Variants in CCSER1 observed in about 807,000 individuals in gnomAD.
The protein encoded by CCSER1 is coiled-coil serine rich protein 1.
Under a neutral mutation model 82.0 loss-of-function variants are expected in CCSER1, and 41 were observed. The ratio of observed to expected loss-of-function variants is 0.50; its 90% CI spans 0.39 to 0.65. The LOEUF is 0.65. Ranked by LOEUF, CCSER1 falls within the 30% of genes least tolerant of loss-of-function variation. The pLI is 0.00. For missense variants in CCSER1, 1,119 were observed against 1,064.2 expected, an observed-to-expected ratio of 1.05 and a Z score of -0.72; for synonymous variants, 414 against 383.9, an observed-to-expected ratio of 1.08 and a Z score of -0.92.
At chr4:90,300,044 C>T (rs1732800043) in intron 1 of CCSER1, among the ~76,000 whole-genome samples, 1 of 152,034 alleles carries the variant, frequency 6.6e-6, no homozygotes, top group South Asian at 2.1e-4. Context: ...GTCATTAAGG[C>T]TCTACCAGGT....
intron 10 of CCSER1, among the ~76,000 whole-genome samples, chr4:91,444,523 C>G (rs1755427460): frequency 6.6e-6 from 1 of 151,920 alleles, no homozygotes; most frequent in African/African-American, 2.4e-5. Context: ...CATCTCGGCT[C>G]ACTGCAACTT....
At chr4:90,983,961 TTCTC>T (rs77135712) in intron 9 of CCSER1, among the ~76,000 whole-genome samples, 2,812 of 151,898 alleles carry the variant, frequency 0.019, 52 homozygotes, top group Non-Finnish European at 0.03. Flanking sequence ...AAAGTACTGT[TTCTC>T]TCTTTTTGTA....
intron 6 of CCSER1, among the ~76,000 whole-genome samples, chr4:90,643,068 T>TA (rs999478340): frequency 1.3e-5 from 2 of 151,950 alleles, no homozygotes; most frequent in African/African-American, 2.4e-5. Context: ...GTGGAGTGTT[T>TA]AAAAAAAATA....
intron 8 of CCSER1, among the ~76,000 whole-genome samples, chr4:90,880,397 G>C (rs9985786): frequency 0.17 from 26,279 of 152,154 alleles, 2,316 homozygotes; most frequent in Middle Eastern, 0.2. Context: ...GTCCAAGCCA[G>C]AGGTTCCCTG....
chr4:90,586,476 A>C lies in CCSER1; in HGVS notation c.1725-41549A>C, dbSNP rs542194704. 2.9e-4 allele frequency among the ~76,000 whole-genome samples: 44 copies of C among 152,326 alleles called. 1 individual carries two copies. The South Asian group carries it at 8.9e-3, about 31-fold the overall frequency. ...AGTCAGTGATTTTATTCAACTAATT[A>C]ATTAATGCGAGAATCAGAAGATGCC... On this transcript the variant is annotated intron_variant, in intron 5 of 10. Transcript: ENST00000509176.
intron 4 of CCSER1, among the ~76,000 whole-genome samples, chr4:90,449,142 C>T (rs74638826): frequency 0.052 from 7,903 of 152,250 alleles, 603 homozygotes; most frequent in African/African-American, 0.17. Flanking sequence ...TGGAAGGAGA[C>T]CCAATGTGGA....
intron 10 of CCSER1, among the ~76,000 whole-genome samples, chr4:91,171,335 T>G (rs527762853): frequency 5.4e-4 from 82 of 152,226 alleles, no homozygotes; most frequent in Non-Finnish European, 9.7e-4. Flanking sequence ...TTGTTTGTTA[T>G]AAATAATTAC....
intron 1 of CCSER1, among the ~76,000 whole-genome samples, chr4:90,251,950 C>T (rs955706378): frequency 6.6e-6 from 1 of 151,506 alleles, no homozygotes; most frequent in Admixed American, 6.6e-5. Flanking sequence ...TTATTTCAGC[C>T]GTTTGTGCTG....
At chr4:91,489,473 G>A (rs969471528) in intron 10 of CCSER1, among the ~76,000 whole-genome samples, 6 of 152,092 alleles carry the variant, frequency 3.9e-5, no homozygotes, top group East Asian at 1.9e-4. Context: ...TTTGACATCA[G>A]TATCTACCCA....
chr4:91,094,650 T>C (rs1390282177), intron 10 of CCSER1, among the ~76,000 whole-genome samples: 4 of 152,142 alleles, frequency 2.6e-5, no homozygotes, highest in South Asian at 2.1e-4. Flanking sequence ...TTTTGTCTAA[T>C]TGGCTGAGCC....
intron 9 of CCSER1, among the ~76,000 whole-genome samples, chr4:91,066,802 T>A (rs923327695): frequency 4.6e-5 from 7 of 152,294 alleles, no homozygotes; most frequent in Admixed American, 2.6e-4. Flanking sequence ...TATAAAAGGA[T>A]CTATTTGTAG....
Position 90,488,528 on chromosome 4 carries a change from C to T in CCSER1, c.1724+20174C>T, listed in dbSNP as rs373623271. On this transcript the variant is annotated intron_variant, in intron 5 of 10. Coordinates refer to ENST00000509176, the MANE Select transcript of CCSER1 (RefSeq NM_001145065.2). ...TAATATATTTCAATCAAGAAAGCCTCATACATCTAAAGATAATATGTATTA... is the reference window on the plus strand; with the variant it reads ...TAATATATTTCAATCAAGAAAGCCTTATACATCTAAAGATAATATGTATTA... 3.0e-3 allele frequency among the ~76,000 whole-genome samples: 458 copies of T among 152,218 alleles called. 4 individuals carry two copies. Among genetic ancestry groups the T allele is most frequent in the African/African-American group, 0.01 (433 of 41,532 alleles).
intron 1 of CCSER1, among the ~76,000 whole-genome samples, chr4:90,307,488 C>G (rs1461738): frequency 1.5e-5 from 2 of 130,242 alleles, no homozygotes; most frequent in African/African-American, 5.8e-5. Context: ...GCTTCCCAAA[C>G]CAAACTTGTC....
chr4:91,181,663 A>G (rs1734042578), intron 10 of CCSER1, among the ~76,000 whole-genome samples: 1 of 152,172 alleles, frequency 6.6e-6, no homozygotes, highest in South Asian at 2.1e-4. Context: ...GTCAAGCTAA[A>G]CATCCCCTTA....
Position 90,574,557 on chromosome 4 carries a change from C to T in CCSER1, c.1725-53468C>T, listed in dbSNP as rs117641215. 7.4e-4 allele frequency among the ~76,000 whole-genome samples: 112 copies of T among 151,796 alleles called. 1 individual carries two copies. The East Asian group carries it at 0.013, about 18-fold the overall frequency. ...TGCTGGGATTACAGGCGTGAGCCAC[C>T]GCGCCTGGCCCGAAACACATTAATT... is the stretch of plus-strand genomic sequence containing the variant. On this transcript the variant is annotated intron_variant, in intron 5 of 10. Coordinates refer to ENST00000509176, the MANE Select transcript of CCSER1 (RefSeq NM_001145065.2).
At chr4:90,666,571 A>C (rs1242939975) in intron 6 of CCSER1, among the ~76,000 whole-genome samples, 1 of 152,214 alleles carries the variant, frequency 6.6e-6, no homozygotes, top group Non-Finnish European at 1.5e-5. Context: ...TACCAGCATG[A>C]GCCTCACAGA....
Position 90,881,317 on chromosome 4 carries a change from CAGAG to C in CCSER1, c.2095-42042_2095-42039del, listed in dbSNP as rs374153449. On this transcript the variant is annotated intron_variant, in intron 8 of 10. Transcript: ENST00000509176. ...GCAGAGACTGAGACAGACAGACAGA[CAGAG>C]AGAGAGAGAGGGGGGAAAGAGATTT... Among the ~76,000 whole-genome samples, 17 of 150,214 alleles carry C rather than the reference CAGAG, an allele frequency of 1.1e-4. No homozygotes were observed. In the South Asian group the frequency reaches 1.7e-3, roughly 15 times the overall value.
At chr4:91,143,088 A>G (rs1729191644) in intron 10 of CCSER1, among the ~76,000 whole-genome samples, 1 of 152,072 alleles carries the variant, frequency 6.6e-6, no homozygotes, top group East Asian at 1.9e-4. Context: ...CATTTTAAGG[A>G]CATTGATTCT....
chr4:90,606,725 A>G (rs1328038875), intron 5 of CCSER1, among the ~76,000 whole-genome samples: 2 of 152,156 alleles, frequency 1.3e-5, no homozygotes, highest in Non-Finnish European at 2.9e-5. Context: ...ACAACTTCCT[A>G]AATTATTATG....
Sources: gnomAD v4.1 joint callset for allele counts (sites outside exome capture counted in the v4.1 genomes callset) on GRCh38, gnomAD v4.1.1 for gene constraint, MANE v1.5 for transcripts, NCBI Gene and HGNC (gene_info 2026-07-23, HGNC 2026-07-21) for gene names.